Variants in ZNF19 observed in about 807,000 individuals in gnomAD.
ZNF19 encodes the protein zinc finger protein 19.
In ZNF19, 11 loss-of-function variants were observed where a neutral mutation model predicts 13.1. The observed-to-expected ratio is 0.84, with a 90% CI of 0.53 to 1.39. ZNF19 has a LOEUF of 1.39. ZNF19 is among the 40% of genes most tolerant of loss of function. The pLI is 0.00. For synonymous variants in ZNF19, 186 were observed against 187.0 expected (o/e 0.99, Z 0.04); for missense variants, 560 against 547.0 (o/e 1.02, Z -0.24).
Position 71,475,689 on chromosome 16 carries a change from T to C in ZNF19, c.858A>G (p.Ser286=). 11 of 1,611,254 alleles carry C rather than the reference T, an allele frequency of 6.8e-6. No individual in the cohort carries two copies. Among genetic ancestry groups the C allele is most frequent in the Non-Finnish European group, 8.5e-6 (10 of 1,178,518 alleles). The change falls in exon 6 of 6, where the codon TCA becomes TCG. Residue 286 remains serine, a synonymous_variant. Transcript: ENST00000288177. ...NECGKAFVGN[S]PLLRHQKIHT... The stretch of plus-strand genomic sequence containing the variant: ...GGATTTTCTGATGCCGAAGTAGGGG[T>C]GAATTACCAACAAAAGCTTTGCCAC...
intron 4 of ZNF19, 144 bp from the exon 5 acceptor site, chr16:71,478,485 A>C (rs1350986578): frequency 1.4e-6 from 1 of 727,142 alleles, no homozygotes; most frequent in Non-Finnish European, 2.5e-6. Flanking sequence ...ATCAACAGGA[A>C]ACTGAGCATT....
intron 2 of ZNF19, among the ~76,000 whole-genome samples, chr16:71,484,272 G>A (rs1198709389): frequency 1.3e-5 from 2 of 152,254 alleles, no homozygotes; most frequent in East Asian, 3.9e-4. Context: ...AGCAGGAACT[G>A]GCACATAGCT....
chr16:71,486,708 A>C (rs1436485412), intron 1 of ZNF19, among the ~76,000 whole-genome samples: 1 of 152,244 alleles, frequency 6.6e-6, no homozygotes. Context: ...ATAGAAAATT[A>C]ATAGACACAC....
intron 1 of ZNF19, chr16:71,487,546 A>G (rs1168372158): frequency 6.6e-6 from 1 of 152,198 alleles, no homozygotes; most frequent in African/African-American, 2.4e-5. Context: ...ATCAAACATA[A>G]TTACTTTCAA....
Position 71,478,261 on chromosome 16 carries a change from G to A in ZNF19, c.241C>T (p.Pro81Ser). ...ACGTTTTTGGTCCTCTCTGCTGGGG[G>A]ATCATCCTGTGCTTCCAGGCCCCAA... is the stretch of plus-strand genomic sequence containing the variant. The part of the protein sequence containing the change: ...MAWGLEAQDD[P>S]PAERTKNVCK... Residue 81 changes from proline (P) to serine (S), a missense_variant, in exon 5 of 6, where the codon CCC becomes TCC. Transcript: ENST00000288177. 6.2e-7 allele frequency: 1 copy of A among 1,614,056 alleles called. No homozygotes were observed. Among genetic ancestry groups the A allele is most frequent in the South Asian group, 1.1e-5 (1 of 91,048 alleles).
intron 4 of ZNF19, chr16:71,478,676 A>G: frequency 1.4e-6 from 1 of 704,520 alleles, no homozygotes; most frequent in Admixed American, 2.4e-5. Flanking sequence ...AATTCCCTTC[A>G]TTGGGAGACC....
Position 71,475,031 on chromosome 16 carries a change from A to G in ZNF19, c.*139T>C. On this transcript the variant is annotated 3_prime_UTR_variant, in exon 6 of 6. Transcript: ENST00000288177. Reference sequence around the variant, plus strand: ...GCAATCCTGGGACTCTAATTGAACCATCTTTGGTCATCTACTGACATCTGA... The same window carrying G: ...GCAATCCTGGGACTCTAATTGAACCGTCTTTGGTCATCTACTGACATCTGA... 9.3e-7 allele frequency: 1 copy of G among 1,080,586 alleles called. No individual in the cohort carries two copies. The highest frequency in any genetic ancestry group is 1.7e-5 in the South Asian group (1 of 58,762). 66.9% of individuals were successfully genotyped at this position (1,080,586 alleles called of 1,614,324 possible). A position where few individuals can be genotyped will look rare whatever the true frequency, so the allele number is the denominator to read the frequency against.
intron 2 of ZNF19, among the ~76,000 whole-genome samples, chr16:71,482,783 C>G (rs951682909): frequency 2.6e-5 from 4 of 152,166 alleles, no homozygotes; most frequent in African/African-American, 9.7e-5. Flanking sequence ...CTGACTGTAA[C>G]CACGGCCTCC....
In ZNF19 at chr16:71,478,336, G is replaced by T; in HGVS notation, c.166C>A (p.Pro56Thr). 1 of 1,612,260 alleles carries T rather than the reference G, an allele frequency of 6.2e-7. No homozygotes were observed. Among genetic ancestry groups the T allele is most frequent in the Middle Eastern group, 1.7e-4 (1 of 6,058 alleles). The change falls in exon 5 of 6, where the codon CCA becomes ACA. Residue 56 changes from proline to threonine, a missense_variant. Pro to Thr is a conservative substitution (Grantham distance 38). Transcript: ENST00000288177. ...NFGNLTALGY[P>T]VPKPALISLL... ...GAGATCAGTGCAGGTTTGGGAACTG[G>T]GTACCCTGAAAACAGGAAGAAAATG... is the stretch of plus-strand genomic sequence containing the variant.
chr16:71,483,665 G>A (rs1201199027), intron 2 of ZNF19, among the ~76,000 whole-genome samples: 1 of 152,104 alleles, frequency 6.6e-6, no homozygotes, highest in Non-Finnish European at 1.5e-5. Flanking sequence ...CACTCGCACC[G>A]TACTCCTTTT....
At chr16:71,488,560 A>G (rs920782380) in intron 1 of ZNF19, among the ~76,000 whole-genome samples, 2 of 152,176 alleles carry the variant, frequency 1.3e-5, no homozygotes, top group Non-Finnish European at 2.9e-5. Context: ...GCACTTTGGG[A>G]GGCCGAGACA....
intron 3 of ZNF19, among the ~76,000 whole-genome samples, chr16:71,480,881 C>A (rs1413640501): frequency 6.6e-6 from 1 of 152,200 alleles, no homozygotes; most frequent in Admixed American, 6.5e-5. Context: ...ACACTGAAGT[C>A]TGAGAACCCT....
At chr16:71,486,181 GAAAAAA>G (rs33957419) in intron 1 of ZNF19, among the ~76,000 whole-genome samples, 1 of 130,886 alleles carries the variant, frequency 7.6e-6, no homozygotes, top group African/African-American at 2.8e-5. Flanking sequence ...TGTCTCTACC[GAAAAAA>G]AAAAAAAAAA....
intron 2 of ZNF19, among the ~76,000 whole-genome samples, chr16:71,483,147 T>C (rs745545186): frequency 1.3e-5 from 2 of 152,228 alleles, no homozygotes; most frequent in African/African-American, 2.4e-5. Flanking sequence ...CAAGTCTTCC[T>C]TTACTTGGAC....
At chr16:71,484,940 T>C (rs1370269243) in intron 1 of ZNF19, among the ~76,000 whole-genome samples, 192 bp from the exon 2 acceptor site, 1 of 152,200 alleles carries the variant, frequency 6.6e-6, no homozygotes, top group Non-Finnish European at 1.5e-5. Context: ...TCGTCACTAA[T>C]TTGAAATTGT....
chr16:71,488,357 C>CAAAAA (rs1204906609), intron 1 of ZNF19, among the ~76,000 whole-genome samples: 1 of 65,374 alleles, frequency 1.5e-5, no homozygotes, highest in Non-Finnish European at 3.7e-5. Flanking sequence ...GAGACTATCT[C>CAAAAA]AAAAAAAAAA....
rs141386814 is a variant in ZNF19 at position 71,473,614 on chromosome 16, C to T, written c.*1556G>A. On this transcript the variant is annotated 3_prime_UTR_variant, in exon 6 of 6. Transcript: ENST00000288177. ...GTTTTATTTTATTTTATTGAGGAAT[C>T]TCACTCTGTCACCAGGCTGGAGTGC... is the stretch of plus-strand genomic sequence containing the variant. 3.3e-5 allele frequency: 5 copies of T among 152,246 alleles called. No homozygotes were observed. The highest frequency in any genetic ancestry group is 6.5e-5 in the Admixed American group (1 of 15,290). The allele number at this position is 152,246 out of a possible 1,614,324, so 9.4% of individuals were successfully genotyped here. A position where few individuals can be genotyped will look rare whatever the true frequency, so the allele number is the denominator to read the frequency against.
intron 5 of ZNF19, among the ~76,000 whole-genome samples, chr16:71,477,479 G>A (rs2043610163): frequency 6.6e-6 from 1 of 151,946 alleles, no homozygotes; most frequent in South Asian, 2.1e-4. Flanking sequence ...TTTGCTCTTG[G>A]TGGCCCCCAT....
Position 71,482,060 on chromosome 16 carries a change from A to G in ZNF19, c.33+22T>C, listed in dbSNP as rs16973237. 2.5e-6 allele frequency: 4 copies of G among 1,613,630 alleles called. No individual in the cohort carries two copies. In the Admixed American group the frequency reaches 6.7e-5, roughly 27 times the overall value. On this transcript the variant is annotated intron_variant, in intron 3 of 5. Coordinates refer to ENST00000288177, the MANE Select transcript of ZNF19 (RefSeq NM_006961.4). Reference sequence around the variant, plus strand: ...TTCAACTCAGACCTCCATAGAGCTGACCTCAGGGATCCACAGCTCACCTGG... The same window carrying G: ...TTCAACTCAGACCTCCATAGAGCTGGCCTCAGGGATCCACAGCTCACCTGG...
Sources: allele counts gnomAD v4.1 joint callset (sites outside exome capture counted in the v4.1 genomes callset), GRCh38; gene constraint gnomAD v4.1.1; transcripts MANE v1.5; gene names NCBI Gene and HGNC (gene_info 2026-07-23, HGNC 2026-07-21).